The following LAMA2 variants were observed in gnomAD, a reference collection of about 807,000 sequenced individuals.
LAMA2 encodes the protein laminin subunit alpha-2.
In LAMA2, 269 loss-of-function variants were observed where a neutral mutation model predicts 364.8. The ratio of observed to expected loss-of-function variants is 0.74; its 90% CI spans 0.67 to 0.82. The LOEUF (loss-of-function observed/expected upper bound fraction) is 0.82, where lower values mean the gene tolerates loss of function less well. Among genes scored for constraint, LAMA2 ranks in the 40% least tolerant of loss-of-function variants. The pLI is 0.00. For synonymous variants in LAMA2, 1,379 were observed against 1,370.6 expected (o/e 1.01, Z -0.14); for missense variants, 3,807 against 3,873.2 (o/e 0.98, Z 0.45).
chr6:129,215,383 A>G (rs1218419277), intron 12 of LAMA2, among the ~76,000 whole-genome samples: 1 of 152,166 alleles, frequency 6.6e-6, no homozygotes, highest in Non-Finnish European at 1.5e-5. Flanking sequence ...CCTATATCAA[A>G]GCTTCTGACT....
At chr6:129,245,818 G>A (rs1173122952) in intron 12 of LAMA2, among the ~76,000 whole-genome samples, 1 of 152,126 alleles carries the variant, frequency 6.6e-6, no homozygotes, top group Non-Finnish European at 1.5e-5. Flanking sequence ...TGAATGGTCA[G>A]AGAACTATAA....
chr6:128,973,961 G>T (rs1782362550), intron 1 of LAMA2, among the ~76,000 whole-genome samples: 1 of 152,166 alleles, frequency 6.6e-6, no homozygotes, highest in African/African-American at 2.4e-5. Flanking sequence ...CTAGCAGAGA[G>T]GCCAACTCAC....
intron 63 of LAMA2, 144 bp from the exon 64 acceptor site, chr6:129,514,229 A>G: frequency 2.8e-6 from 2 of 706,134 alleles, no homozygotes; most frequent in South Asian, 1.6e-5. Flanking sequence ...AAGTTTTAAA[A>G]TTTTTTTCAA....
At chr6:128,971,210 A>G (rs1206048698) in intron 1 of LAMA2, among the ~76,000 whole-genome samples, 5 of 152,220 alleles carry the variant, frequency 3.3e-5, no homozygotes, top group South Asian at 2.1e-4. Context: ...ACACATATCT[A>G]TAATTTAACA....
At chr6:129,281,147 T>C (rs1788690047) in intron 18 of LAMA2, among the ~76,000 whole-genome samples, 1 of 151,564 alleles carries the variant, frequency 6.6e-6, no homozygotes, top group Non-Finnish European at 1.5e-5. Flanking sequence ...AAATTAGGAA[T>C]GAAAGAAAAA....
chr6:129,185,280 T>A (rs935598775), intron 10 of LAMA2, among the ~76,000 whole-genome samples: 1 of 151,908 alleles, frequency 6.6e-6, no homozygotes, highest in African/African-American at 2.4e-5. Flanking sequence ...CTACGGTGAC[T>A]ATTTCTCCAG....
At chr6:129,483,066 CGAA>C (rs1281118273) in intron 55 of LAMA2, among the ~76,000 whole-genome samples, 1,419 of 55,620 alleles carry the variant, frequency 0.026, 6 homozygotes, top group African/African-American at 0.061. Flanking sequence ...GACTCCGACT[CGAA>C]AAAAAAAAAA....
At chr6:128,982,523 A>G (rs1177577867) in intron 1 of LAMA2, among the ~76,000 whole-genome samples, 5 of 152,210 alleles carry the variant, frequency 3.3e-5, no homozygotes, top group Non-Finnish European at 7.4e-5. Flanking sequence ...ATTTTTGTCA[A>G]TTTTATGAGT....
rs1179961116 is a variant in LAMA2, at chr6:129,402,245, T to C, written c.5563-79T>C. ...AAAAAAAACTAAACTAAACGTGTAG[T>C]TATGTCTCATAGAGAAATTAGTAAA... is the stretch of plus-strand genomic sequence containing the variant. On this transcript the variant is annotated intron_variant, in intron 38 of 64. Coordinates refer to ENST00000421865, the MANE Select transcript of LAMA2 (RefSeq NM_000426.4). 3.8e-6 allele frequency: 4 copies of C among 1,060,784 alleles called. No individual in the cohort carries two copies. In the African/African-American group the frequency reaches 4.8e-5, roughly 13 times the overall value. 65.7% of individuals were successfully genotyped at this position (1,060,784 alleles called of 1,614,324 possible).
intron 18 of LAMA2, among the ~76,000 whole-genome samples, chr6:129,281,638 A>G (rs1031021183): frequency 3.3e-5 from 5 of 152,136 alleles, no homozygotes; most frequent in Non-Finnish European, 1.5e-5. Flanking sequence ...GCAAGTGAGG[A>G]TGGTTGCTTG....
chr6:129,072,904 A>G (rs1293492212), intron 3 of LAMA2, among the ~76,000 whole-genome samples: 1 of 151,994 alleles, frequency 6.6e-6, no homozygotes, highest in Non-Finnish European at 1.5e-5. Flanking sequence ...ATAAACATGC[A>G]GTTTTCATCT....
chr6:128,965,072 T>C (rs1781752531), intron 1 of LAMA2, among the ~76,000 whole-genome samples: 1 of 152,050 alleles, frequency 6.6e-6, no homozygotes, highest in African/African-American at 2.4e-5. Flanking sequence ...AGTTCAGCAG[T>C]AGCACAAGCA....
chr6:129,242,922 G>A (rs1164212059), intron 12 of LAMA2, among the ~76,000 whole-genome samples: 1 of 152,106 alleles, frequency 6.6e-6, no homozygotes, highest in East Asian at 1.9e-4. Flanking sequence ...ATGGAATGTT[G>A]CCTTTCTAAG....
At chr6:128,952,436 G>C (rs1780884375) in intron 1 of LAMA2, among the ~76,000 whole-genome samples, 1 of 152,030 alleles carries the variant, frequency 6.6e-6, no homozygotes, top group Non-Finnish European at 1.5e-5. Flanking sequence ...TTAGATGCTG[G>C]AGATCTAAAT....
intron 47 of LAMA2, among the ~76,000 whole-genome samples, 176 bp from the exon 48 acceptor site, chr6:129,456,159 T>C (rs1029969209): frequency 6.6e-6 from 1 of 152,170 alleles, no homozygotes; most frequent in African/African-American, 2.4e-5. Context: ...ACTCTGAGTA[T>C]TGATTCGAGA....
At chr6:129,493,484 A>G (rs1175904481) in intron 58 of LAMA2, among the ~76,000 whole-genome samples, 1 of 152,224 alleles carries the variant, frequency 6.6e-6, no homozygotes, top group African/African-American at 2.4e-5. Context: ...TGATTTGGCC[A>G]TAGACTATTT....
At chr6:129,392,840 G>T (rs569576510) in intron 36 of LAMA2, among the ~76,000 whole-genome samples, 1 of 152,266 alleles carries the variant, frequency 6.6e-6, no homozygotes, top group South Asian at 2.1e-4. Flanking sequence ...TTAAAAATCT[G>T]TTTCGCTTTT....
intron 8 of LAMA2, among the ~76,000 whole-genome samples, chr6:129,159,372 G>T (rs1443375221): frequency 6.6e-6 from 1 of 152,180 alleles, no homozygotes; most frequent in African/African-American, 2.4e-5. Flanking sequence ...TTAAACTGAT[G>T]CATATTTTCA....
At chr6:128,957,018 G>T (rs1027406011) in intron 1 of LAMA2, among the ~76,000 whole-genome samples, 1 of 152,046 alleles carries the variant, frequency 6.6e-6, no homozygotes, top group African/African-American at 2.4e-5. Flanking sequence ...ATAATGTTTC[G>T]AGAGCAGCAG....
Sources: gnomAD v4.1 joint callset for allele counts (sites outside exome capture counted in the v4.1 genomes callset) on GRCh38, gnomAD v4.1.1 for gene constraint, MANE v1.5 for transcripts, NCBI Gene and HGNC (gene_info 2026-07-23, HGNC 2026-07-21) for gene names.